Variants in TAF3 observed in about 807,000 individuals in gnomAD.
TAF3 encodes the protein transcription initiation factor TFIID subunit 3.
TAF3 carries 7 observed loss-of-function variants against 80.6 expected under a neutral mutation model. That is an observed-to-expected ratio of 0.09 (90% confidence interval 0.05 to 0.16). The LOEUF is 0.16. Ranked by LOEUF, TAF3 falls within the 10% of genes least tolerant of loss-of-function variation. The probability of loss-of-function intolerance (pLI) is 1.00; values close to 1 mark genes in which losing one functional copy is unlikely to be tolerated. For synonymous variants in TAF3, 444 were observed against 446.1 expected (o/e 1.00, Z 0.06); for missense variants, 921 against 1,140.2 (o/e 0.81, Z 2.77).
At chr10:7,830,227 G>C (rs1836784494) in intron 2 of TAF3, among the ~76,000 whole-genome samples, 1 of 152,156 alleles carries the variant, frequency 6.6e-6, no homozygotes, top group Admixed American at 6.5e-5. Context: ...CTAAATGGTT[G>C]ATCTGAAGGA....
intron 2 of TAF3, among the ~76,000 whole-genome samples, chr10:7,893,698 G>T (rs1373769261): frequency 1.3e-5 from 2 of 152,038 alleles, no homozygotes; most frequent in African/African-American, 4.8e-5. Context: ...CGTAGGCCTG[G>T]CCTATCTGTG....
intron 4 of TAF3, among the ~76,000 whole-genome samples, chr10:8,007,390 G>A (rs1832004582): frequency 6.6e-6 from 1 of 151,434 alleles, no homozygotes; most frequent in African/African-American, 2.4e-5. Flanking sequence ...GAAAGGTACA[G>A]AGAAAAAAAC....
At chr10:7,895,925 G>A (rs532478020) in intron 2 of TAF3, among the ~76,000 whole-genome samples, 3 of 152,334 alleles carry the variant, frequency 2.0e-5, no homozygotes, top group Admixed American at 6.5e-5. Flanking sequence ...AGTGCCTTCA[G>A]TGAACACCGA....
chr10:7,959,295 A>G (rs1838167028), intron 2 of TAF3, among the ~76,000 whole-genome samples: 1 of 152,250 alleles, frequency 6.6e-6, no homozygotes, highest in African/African-American at 2.4e-5. Flanking sequence ...TAAAAATAAG[A>G]AACCTTTGTT....
intron 2 of TAF3, among the ~76,000 whole-genome samples, chr10:7,874,999 G>A (rs1468314090): frequency 2.0e-5 from 3 of 152,016 alleles, no homozygotes; most frequent in Admixed American, 6.6e-5. Context: ...CCTTCAAAAT[G>A]TGCTGTTTTT....
chr10:7,847,031 A>C (rs1836979133), intron 2 of TAF3, among the ~76,000 whole-genome samples: 1 of 152,156 alleles, frequency 6.6e-6, no homozygotes, highest in Non-Finnish European at 1.5e-5. Context: ...AGAATTTTTC[A>C]TTTTCAGCTT....
At chr10:7,888,366 T>A (rs1452595791) in intron 2 of TAF3, among the ~76,000 whole-genome samples, 1 of 152,192 alleles carries the variant, frequency 6.6e-6, no homozygotes, top group Non-Finnish European at 1.5e-5. Context: ...GTGTTTAACT[T>A]CTATTTATTT....
rs561682221 is a variant in TAF3, at chr10:7,988,439, A to T, written c.2315+11116A>T. Among the ~76,000 whole-genome samples the T allele has an allele frequency of 3.3e-3, 494 of 151,626 alleles. 2 individuals are homozygous for T. The highest frequency in any genetic ancestry group is 0.011 in the African/African-American group (471 of 41,302). On this transcript the variant is annotated intron_variant, in intron 4 of 6. Transcript: ENST00000344293. ...ACCCTGTTTCTACTAAAAATACAGA[A>T]ATTACACCTGTTATCCCAGCTACTC...
chr10:8,014,623 G>T lies in TAF3; in HGVS notation c.2676-14G>T. 7 of 1,606,796 alleles carry T rather than the reference G, an allele frequency of 4.4e-6. No homozygotes were observed. The highest frequency in any genetic ancestry group is 5.9e-6 in the Non-Finnish European group (7 of 1,176,912). ...GTATAAAAGTTGCTTATCTGAGCTT[G>T]TTTTCACGTGCAGGCCCTGTGTTGG... is the stretch of plus-strand genomic sequence containing the variant. On this transcript the variant is annotated splice_polypyrimidine_tract_variant and intron_variant, in intron 6 of 6. Transcript: ENST00000344293.
chr10:7,969,826 C>CG (rs1393074431), intron 3 of TAF3, among the ~76,000 whole-genome samples: 1 of 152,114 alleles, frequency 6.6e-6, no homozygotes, highest in Non-Finnish European at 1.5e-5. Context: ...CCACACTGAC[C>CG]GGGGTGGAAA....
intron 2 of TAF3, among the ~76,000 whole-genome samples, chr10:7,939,684 A>T (rs1178809622): frequency 6.6e-6 from 1 of 152,054 alleles, no homozygotes; most frequent in East Asian, 1.9e-4. Flanking sequence ...GCTGTCAAAG[A>T]GCCAGAGCAA....
At chr10:7,922,378 T>G (rs17143115) in intron 2 of TAF3, among the ~76,000 whole-genome samples, 1 of 152,048 alleles carries the variant, frequency 6.6e-6, no homozygotes, top group Non-Finnish European at 1.5e-5. Flanking sequence ...ATTGTGAATG[T>G]TGTACTGTCT....
chr10:7,857,500 C>A (rs1215920146), intron 2 of TAF3, among the ~76,000 whole-genome samples: 1 of 152,192 alleles, frequency 6.6e-6, no homozygotes, highest in Non-Finnish European at 1.5e-5. Context: ...GCCACACAGT[C>A]TTCGGAGTGT....
At chr10:8,008,857 C>T (rs1205101607) in intron 4 of TAF3, among the ~76,000 whole-genome samples, 2 of 150,386 alleles carry the variant, frequency 1.3e-5, no homozygotes, top group Non-Finnish European at 3.0e-5. Flanking sequence ...AAATTTCTAA[C>T]TGTCTGGCCA....
At chr10:7,823,282 A>C (rs1202653973) in intron 1 of TAF3, among the ~76,000 whole-genome samples, 1 of 152,058 alleles carries the variant, frequency 6.6e-6, no homozygotes, top group Non-Finnish European at 1.5e-5. Context: ...ACAACAGAGG[A>C]AATGTAACCA....
intron 2 of TAF3, among the ~76,000 whole-genome samples, chr10:7,942,936 T>C (rs527376306): frequency 6.6e-6 from 1 of 152,250 alleles, no homozygotes; most frequent in Non-Finnish European, 1.5e-5. Flanking sequence ...GCAGGTCTTC[T>C]GCTCTTAACA....
chr10:7,887,819 TAAA>T (rs551170000), intron 2 of TAF3, among the ~76,000 whole-genome samples: 2 of 146,790 alleles, frequency 1.4e-5, no homozygotes, highest in African/African-American at 5.0e-5. Flanking sequence ...ATTGGCCACT[TAAA>T]AAAAAAAACA....
At chr10:7,827,174 G>A (rs1836750439) in intron 2 of TAF3, among the ~76,000 whole-genome samples, 1 of 152,212 alleles carries the variant, frequency 6.6e-6, no homozygotes, top group Non-Finnish European at 1.5e-5. Flanking sequence ...GAGAGGCACA[G>A]CGTGGACCTC....
chr10:8,014,919 C>A lies in TAF3; in HGVS notation c.*168C>A. The A allele has an allele frequency of 1.8e-6, 1 of 568,472 alleles. No homozygotes were observed. The highest frequency in any genetic ancestry group is 2.2e-5 in the South Asian group (1 of 45,920). The allele number at this position is 568,472 out of a possible 1,614,324, so 35.2% of individuals were successfully genotyped here. On this transcript the variant is annotated 3_prime_UTR_variant, in exon 7 of 7. Coordinates refer to ENST00000344293, the MANE Select transcript of TAF3 (RefSeq NM_031923.4). Reference sequence around the variant, plus strand: ...CACCGCGCACCTGGATTGTTCACTCCCGAGCCGCCTTGGCCTGTGGCTCCG... The same window carrying A: ...CACCGCGCACCTGGATTGTTCACTCACGAGCCGCCTTGGCCTGTGGCTCCG...
Sources: gnomAD v4.1 joint callset for allele counts (sites outside exome capture counted in the v4.1 genomes callset) on GRCh38, gnomAD v4.1.1 for gene constraint, MANE v1.5 for transcripts, NCBI Gene and HGNC (gene_info 2026-07-23, HGNC 2026-07-21) for gene names.